The following STAT4 variants were observed in gnomAD, a reference collection of about 807,000 sequenced individuals.
The protein encoded by STAT4 is signal transducer and activator of transcription 4.
A neutral mutation model predicts 110.5 loss-of-function variants in STAT4; 42 were observed. The observed-to-expected ratio is 0.38, with a 90% CI of 0.30 to 0.49. The LOEUF (loss-of-function observed/expected upper bound fraction) is 0.49, where lower values mean the gene tolerates loss of function less well. Among genes scored for constraint, STAT4 ranks in the 20% least tolerant of loss-of-function variants. The pLI is 0.95. For missense variants in STAT4, 632 were observed against 887.9 expected, an observed-to-expected ratio of 0.71 and a Z score of 3.66; for synonymous variants, 284 against 302.2, an observed-to-expected ratio of 0.94 and a Z score of 0.63.
chr2:191,041,665 A>G (rs1696202021), intron 14 of STAT4: 1 of 152,212 alleles, frequency 6.6e-6, no homozygotes, highest in South Asian at 2.1e-4. Context: ...ACTTTCCAAT[A>G]AAGTAAAACT....
chr2:191,099,389 A>G lies in STAT4; in HGVS notation c.274-23064T>C, dbSNP rs1372872489. 1.3e-5 allele frequency among the ~76,000 whole-genome samples: 2 copies of G among 152,136 alleles called. No homozygotes were observed. Among genetic ancestry groups the G allele is most frequent in the African/African-American group, 4.8e-5 (2 of 41,446 alleles). Reference sequence around the variant, plus strand: ...CCAATAAAAATAAAAGCACTGGCCCATAATAATATATGTACAAGATCGTTT... The same window carrying G: ...CCAATAAAAATAAAAGCACTGGCCCGTAATAATATATGTACAAGATCGTTT... On this transcript the variant is annotated intron_variant, in intron 3 of 23. Coordinates refer to ENST00000392320, the MANE Select transcript of STAT4 (RefSeq NM_003151.4). The surrounding 1 kb of genome is among the most constrained non-coding windows in gnomAD (Gnocchi z 4.1).
chr2:191,062,573 A>G lies in STAT4; in HGVS notation c.941+189T>C, dbSNP rs549757846. ...GTGGAAAACTGAGCCAGTTGGTGAG[A>G]GAAGTGTTGATGAATAAATAGTGAA... On this transcript the variant is annotated intron_variant, in intron 9 of 23. Coordinates refer to ENST00000392320, the MANE Select transcript of STAT4 (RefSeq NM_003151.4). The surrounding 1 kb of genome is among the most constrained non-coding windows in gnomAD (Gnocchi z 4.9). Among the ~76,000 whole-genome samples the G allele has an allele frequency of 7.2e-5, 11 of 152,210 alleles. No individual in the cohort carries two copies. Among genetic ancestry groups the G allele is most frequent in the Admixed American group, 1.3e-4 (2 of 15,290 alleles).
At chr2:191,036,079 T>G (rs561713802) in intron 17 of STAT4, 85 bp downstream of exon 17, 106 of 1,439,050 alleles carry the variant, frequency 7.4e-5, no homozygotes, top group Non-Finnish European at 9.6e-5. Context: ...ATCTTTATTA[T>G]TAGTAGTAGT....
chr2:191,126,595 T>A (rs755473551), intron 3 of STAT4, among the ~76,000 whole-genome samples: 14 of 152,182 alleles, frequency 9.2e-5, no homozygotes, highest in Non-Finnish European at 1.9e-4. Context: ...CTAGAGGCTG[T>A]AGAAATCTCA....
chr2:191,032,973 A>C lies in STAT4; in HGVS notation c.2029T>G (p.Ser677Ala). The change falls in exon 21 of 24, where the codon TCT (serine) becomes GCT (alanine). Residue 677 changes from serine (S) to alanine (A), a missense_variant. Physicochemically the swap from Ser to Ala is moderately conservative, Grantham distance 99. Coordinates refer to ENST00000392320, the MANE Select transcript of STAT4 (RefSeq NM_003151.4). The surrounding 1 kb of genome is among the most constrained non-coding windows in gnomAD (Gnocchi z 4.9). ...KDKAFGKHYSSQPCEVSRPTE... is the reference protein window; with the variant it reads ...KDKAFGKHYSAQPCEVSRPTE... The stretch of plus-strand genomic sequence containing the variant: ...AAAACCTAACCTTCGCAAGGCTGAG[A>C]GCTGTAGTGTTTACCGAAGGCTTTG... 1 of 1,613,452 alleles carries C rather than the reference A, an allele frequency of 6.2e-7. No homozygotes were observed. Among genetic ancestry groups the C allele is most frequent in the South Asian group, 1.1e-5 (1 of 90,930 alleles).
At position 191,059,532 on chromosome 2, in the gene STAT4, C is replaced by T. The variant is rs1696792912; in HGVS notation, c.1035-763G>A. Among the ~76,000 whole-genome samples, 1 of 152,190 alleles carries T rather than the reference C, an allele frequency of 6.6e-6. No individual in the cohort carries two copies. Among genetic ancestry groups the T allele is most frequent in the Non-Finnish European group, 1.5e-5 (1 of 68,032 alleles). On this transcript the variant is annotated intron_variant, in intron 10 of 23. Coordinates refer to ENST00000392320, the MANE Select transcript of STAT4 (RefSeq NM_003151.4). This position sits in a 1 kb window ranked among gnomAD's most constrained non-coding sequence, Gnocchi z 4.7. Reference sequence around the variant, plus strand: ...TCCTAAACTTTGCTCATTCACTCAGCATGCACTGAGCTCCTCATATTTATG... The same window carrying T: ...TCCTAAACTTTGCTCATTCACTCAGTATGCACTGAGCTCCTCATATTTATG...
rs556289006 is a variant in STAT4, at chr2:191,076,718, T to C, written c.274-393A>G. ...TGGAGTGCAATGGTAGAATCTCAGC[T>C]CACCACAACCTCCACCTCCCGGGTT... On this transcript the variant is annotated intron_variant, in intron 3 of 23. Transcript: ENST00000392320. 7.9e-5 allele frequency among the ~76,000 whole-genome samples: 12 copies of C among 151,320 alleles called. No individual in the cohort carries two copies. The South Asian group carries it at 2.3e-3, about 29-fold the overall frequency.
chr2:191,095,831 C>T (rs1187819384), intron 3 of STAT4, among the ~76,000 whole-genome samples: 2 of 152,048 alleles, frequency 1.3e-5, no homozygotes, highest in African/African-American at 4.8e-5. Flanking sequence ...AATCCAGGAG[C>T]TGGTTTTTTG....
At chr2:191,085,106 A>G (rs1296272469) in intron 3 of STAT4, among the ~76,000 whole-genome samples, 1 of 150,606 alleles carries the variant, frequency 6.6e-6, no homozygotes, top group Non-Finnish European at 1.5e-5. Context: ...TGCTATCTTT[A>G]TTAGATTTTA....
At chr2:191,108,169 T>C (rs1322952819) in intron 3 of STAT4, among the ~76,000 whole-genome samples, 8 of 151,852 alleles carry the variant, frequency 5.3e-5, no homozygotes, top group African/African-American at 1.9e-4. Context: ...GGGGCATCTG[T>C]AATCCCAGCT....
Position 191,146,554 on chromosome 2 carries a change from TTAAC to T in STAT4, c.273+55_273+58del. 2 of 1,320,828 alleles carry T rather than the reference TTAAC, an allele frequency of 1.5e-6. No individual in the cohort carries two copies. The highest frequency in any genetic ancestry group is 4.6e-5 in the South Asian group (2 of 43,592). 81.8% of individuals were successfully genotyped at this position (1,320,828 alleles called of 1,614,324 possible). A position where few individuals can be genotyped will look rare whatever the true frequency, so the allele number is the denominator to read the frequency against. ...TAATATAAGGGTACATATTTAATTT[TTAAC>T]TAAATTTAAGACTCATATATCCAAA... On this transcript the variant is annotated intron_variant, in intron 3 of 23. Coordinates refer to ENST00000392320, the MANE Select transcript of STAT4 (RefSeq NM_003151.4). The surrounding 1 kb of genome is among the most constrained non-coding windows in gnomAD (Gnocchi z 4.5).
At chr2:191,145,641 T>C (rs1042674827) in intron 3 of STAT4, among the ~76,000 whole-genome samples, 2 of 152,132 alleles carry the variant, frequency 1.3e-5, no homozygotes, top group East Asian at 1.9e-4. Flanking sequence ...CAAACAACAA[T>C]AGGAAAAACA....
At chr2:191,105,959 G>A (rs1283974528) in intron 3 of STAT4, among the ~76,000 whole-genome samples, 1 of 152,206 alleles carries the variant, frequency 6.6e-6, no homozygotes, top group African/African-American at 2.4e-5. Context: ...ATCTGAGATT[G>A]TGGGTGCCTC....
chr2:191,133,572 G>GATAT (rs1699101041), intron 3 of STAT4, among the ~76,000 whole-genome samples: 1 of 151,468 alleles, frequency 6.6e-6, no homozygotes, highest in Non-Finnish European at 1.5e-5. Flanking sequence ...ATATTAATAT[G>GATAT]TTTATTTCCA....
At position 191,117,960 on chromosome 2, in the gene STAT4, TG is replaced by T. The variant is rs1471293002; in HGVS notation, c.273+28652del. On this transcript the variant is annotated intron_variant, in intron 3 of 23. Coordinates refer to ENST00000392320, the MANE Select transcript of STAT4 (RefSeq NM_003151.4). This position sits in a 1 kb window ranked among gnomAD's most constrained non-coding sequence, Gnocchi z 5.2. ...CTACACTGTTCAAGAGGAAGATAGATGGGACACAGTATCCTCCAAAGAGAAC... is the reference window on the plus strand; with the variant it reads ...CTACACTGTTCAAGAGGAAGATAGATGGACACAGTATCCTCCAAAGAGAAC... Among the ~76,000 whole-genome samples, 2 of 152,192 alleles carry T rather than the reference TG, an allele frequency of 1.3e-5. No homozygotes were observed. The highest frequency in any genetic ancestry group is 4.8e-5 in the African/African-American group (2 of 41,458).
chr2:191,065,333 G>T (rs981401550), intron 7 of STAT4, among the ~76,000 whole-genome samples: 1 of 152,072 alleles, frequency 6.6e-6, no homozygotes, highest in African/African-American at 2.4e-5. Context: ...ATATTAAAAT[G>T]AGCTGACTAA....
intron 3 of STAT4, among the ~76,000 whole-genome samples, chr2:191,118,894 A>C (rs1698642261): frequency 6.6e-6 from 1 of 152,106 alleles, no homozygotes; most frequent in African/African-American, 2.4e-5. Context: ...ACGGAGCTGG[A>C]AGTAAATGTG....
In STAT4 at chr2:191,092,599, A is replaced by T. The variant is rs566830926; in HGVS notation, c.274-16274T>A. On this transcript the variant is annotated intron_variant, in intron 3 of 23. Coordinates refer to ENST00000392320, the MANE Select transcript of STAT4 (RefSeq NM_003151.4). ...GAGGTTCCAAGATGGCTGAATAGGA[A>T]CAGCTCCAGTCTGCAGCTCCCAGTG... Among the ~76,000 whole-genome samples, 205 of 152,260 alleles carry T rather than the reference A, an allele frequency of 1.3e-3. 1 individual carries two copies. The highest frequency in any genetic ancestry group is 2.7e-3 in the Admixed American group (42 of 15,298).
intron 3 of STAT4, among the ~76,000 whole-genome samples, chr2:191,123,856 A>G (rs548171144): frequency 2.6e-4 from 40 of 152,304 alleles, no homozygotes; most frequent in Non-Finnish European, 5.3e-4. Flanking sequence ...AAAAGATCAA[A>G]ATTCAAAATT....
Sources: allele counts gnomAD v4.1 joint callset (sites outside exome capture counted in the v4.1 genomes callset), GRCh38; gene constraint gnomAD v4.1.1; non-coding constraint Gnocchi (gnomAD v3.1); transcripts MANE v1.5; gene names NCBI Gene and HGNC (gene_info 2026-07-23, HGNC 2026-07-21).